Variants in NRG1 observed in about 807,000 individuals in gnomAD.
The protein encoded by NRG1 is neuregulin 1, also known as pro-neuregulin-1, membrane-bound isoform.
In NRG1, 18 loss-of-function variants were observed where a neutral mutation model predicts 63.8. The observed-to-expected ratio is 0.28, with a 90% CI of 0.19 to 0.42. The LOEUF is 0.42. Ranked by LOEUF, NRG1 falls within the 10% of genes least tolerant of loss-of-function variation. The probability of loss-of-function intolerance (pLI) is 1.00; values close to 1 mark genes in which losing one functional copy is unlikely to be tolerated. For missense variants in NRG1, 762 were observed against 814.7 expected (o/e 0.94, Z 0.79); for synonymous variants, 302 against 301.3 (o/e 1.00, Z -0.02).
intron 1 of NRG1, among the ~76,000 whole-genome samples, chr8:32,090,074 C>T (rs1828879121): frequency 6.6e-6 from 1 of 152,136 alleles, no homozygotes; most frequent in African/African-American, 2.4e-5. Flanking sequence ...AATCTATCAA[C>T]AGCCAGGTTC....
chr8:32,586,101 A>G lies in NRG1; in HGVS notation c.101-9727A>G, dbSNP rs572579805. Among the ~76,000 whole-genome samples the G allele has an allele frequency of 5.6e-5, 8 of 142,320 alleles. No homozygotes were observed. In the East Asian group the frequency reaches 1.6e-3, roughly 28 times the overall value. The allele number at this position is 142,320 out of a possible 152,430, so 93.4% of individuals were successfully genotyped here. On this transcript the variant is annotated intron_variant, in intron 1 of 11. Transcript: ENST00000356819. ...AAGCTCTTAGAACAATGCCTGGCAC[A>G]TAGTAGGTACTCAAGTATCAGCTAT...
At chr8:31,703,756 G>A (rs559390597) in intron 1 of NRG1, among the ~76,000 whole-genome samples, 28 of 152,236 alleles carry the variant, frequency 1.8e-4, no homozygotes, top group African/African-American at 6.5e-4. Flanking sequence ...TGTTCCTTTG[G>A]TCAGGAATCT....
chr8:32,504,576 C>A (rs10954853), intron 1 of NRG1, among the ~76,000 whole-genome samples: 3 of 151,762 alleles, frequency 2.0e-5, no homozygotes, highest in Non-Finnish European at 4.4e-5. Flanking sequence ...CACACATAAA[C>A]ATATAAAGAT....
In NRG1 at chr8:32,240,614, A is replaced by G. The variant is rs1446153259; in HGVS notation, c.38-355214A>G. On this transcript the variant is annotated intron_variant, in intron 1 of 10. Transcript: ENST00000519301. ...ATTTTGGTGGATTCCGTAAATGTCA[A>G]ATCTTTGGTTATGATATTGAAGTGT... Among the ~76,000 whole-genome samples, 3 of 152,096 alleles carry G rather than the reference A, an allele frequency of 2.0e-5. No individual in the cohort carries two copies. The East Asian group carries it at 5.8e-4, about 29-fold the overall frequency.
At chr8:32,179,017 T>C (rs1487111340) in intron 1 of NRG1, among the ~76,000 whole-genome samples, 2 of 151,656 alleles carry the variant, frequency 1.3e-5, no homozygotes, top group African/African-American at 2.4e-5. Context: ...AGATGTACAT[T>C]TGGTTTCTGC....
At chr8:32,574,295 T>TCCAGG (rs962750126) in intron 1 of NRG1, among the ~76,000 whole-genome samples, 1 of 152,170 alleles carries the variant, frequency 6.6e-6, no homozygotes, top group African/African-American at 2.4e-5. Flanking sequence ...TTTTACATTC[T>TCCAGG]CCAGGCCTCA....
chr8:32,116,488 G>A (rs900541412), intron 1 of NRG1, among the ~76,000 whole-genome samples: 15 of 152,060 alleles, frequency 9.9e-5, no homozygotes, highest in African/African-American at 2.9e-4. Context: ...ATATCATGCC[G>A]CAAAAAGTAA....
Position 32,643,400 on chromosome 8 carries a change from C to G in NRG1, c.502+26515C>G, listed in dbSNP as rs187888134. Among the ~76,000 whole-genome samples, 8 of 152,320 alleles carry G rather than the reference C, an allele frequency of 5.3e-5. No individual in the cohort carries two copies. In the East Asian group the frequency reaches 1.4e-3, roughly 26 times the overall value. On this transcript the variant is annotated intron_variant, in intron 5 of 11. Transcript: ENST00000356819. ...TTCTTGGGGTGCTTTCTCTCACAACCTGGCCACCATGCTGTGGGAAGCTCA... is the reference window on the plus strand; with the variant it reads ...TTCTTGGGGTGCTTTCTCTCACAACGTGGCCACCATGCTGTGGGAAGCTCA...
intron 1 of NRG1, among the ~76,000 whole-genome samples, chr8:32,010,468 T>C (rs1027157205): frequency 6.6e-6 from 1 of 152,110 alleles, no homozygotes; most frequent in Admixed American, 6.6e-5. Flanking sequence ...ATACAGTTCC[T>C]GCTTTCTCTG....
At chr8:31,857,335 T>G (rs906972478) in intron 1 of NRG1, among the ~76,000 whole-genome samples, 2 of 152,222 alleles carry the variant, frequency 1.3e-5, no homozygotes, top group African/African-American at 2.4e-5. Flanking sequence ...TTTAAGCCGG[T>G]TGGAAAAGCG....
At chr8:31,796,414 CTTTTTTTTTTTTTTTT>C (rs1158508289) in intron 1 of NRG1, among the ~76,000 whole-genome samples, 14 of 43,376 alleles carry the variant, frequency 3.2e-4, no homozygotes, top group South Asian at 1.2e-3. Flanking sequence ...GGCGTATAAT[CTTTTTTTTTTTTTTTT>C]TTTTTTTTTT....
intron 5 of NRG1, among the ~76,000 whole-genome samples, chr8:32,685,503 C>T (rs1490261189): frequency 3.3e-5 from 5 of 152,178 alleles, no homozygotes; most frequent in African/African-American, 7.2e-5. Flanking sequence ...GATGTTTGTT[C>T]CTAGACTTCT....
chr8:31,861,288 T>A (rs1039425298), intron 1 of NRG1, among the ~76,000 whole-genome samples: 11 of 152,180 alleles, frequency 7.2e-5, no homozygotes, highest in Non-Finnish European at 1.3e-4. Flanking sequence ...TAGTGTTATC[T>A]CATTCAGATT....
intron 6 of NRG1, among the ~76,000 whole-genome samples, chr8:32,734,923 A>G (rs1231652220): frequency 6.6e-6 from 1 of 152,120 alleles, no homozygotes; most frequent in Non-Finnish European, 1.5e-5. Flanking sequence ...AGTGAACAAA[A>G]CCATACTGGT....
At chr8:32,760,341 T>C (rs776870639) in exon 11 of NRG1, 1 of 1,614,018 alleles carries the variant, frequency 6.2e-7, no homozygotes, top group South Asian at 1.1e-5. Flanking sequence ...CTCGTGAATG[T>C]AACAGCTTCC....
chr8:32,220,233 G>A (rs1375492366), intron 1 of NRG1, among the ~76,000 whole-genome samples: 1 of 152,116 alleles, frequency 6.6e-6, no homozygotes. Flanking sequence ...TTTTAAAAAT[G>A]TCTTTCTTAT....
At chr8:32,745,136 TAGAAGTC>T (rs1827184604) in intron 7 of NRG1, among the ~76,000 whole-genome samples, 1 of 152,112 alleles carries the variant, frequency 6.6e-6, no homozygotes, top group African/African-American at 2.4e-5. Context: ...AACCCCTACA[TAGAAGTC>T]AGAAAAATAA....
intron 5 of NRG1, among the ~76,000 whole-genome samples, chr8:32,711,714 G>C (rs981219772): frequency 6.6e-6 from 1 of 152,090 alleles, no homozygotes; most frequent in Non-Finnish European, 1.5e-5. Flanking sequence ...CATTTCTCCA[G>C]TTCCTCCCTC....
At chr8:31,841,470 A>G (rs1826197132) in intron 1 of NRG1, among the ~76,000 whole-genome samples, 1 of 152,158 alleles carries the variant, frequency 6.6e-6, no homozygotes, top group African/African-American at 2.4e-5. Flanking sequence ...TTTTTCTGGC[A>G]GAGACATGGA....
Sources: allele counts gnomAD v4.1 joint callset (sites outside exome capture counted in the v4.1 genomes callset), GRCh38; gene constraint gnomAD v4.1.1; transcripts MANE v1.5; gene names NCBI Gene and HGNC (gene_info 2026-07-23, HGNC 2026-07-21).